Variants in TNIK observed in about 807,000 individuals in gnomAD.
TNIK encodes TRAF2 and NCK-interacting protein kinase.
A neutral mutation model predicts 191.3 loss-of-function variants in TNIK; 49 were observed. The ratio of observed to expected loss-of-function variants is 0.26; its 90% CI spans 0.20 to 0.32. The LOEUF (loss-of-function observed/expected upper bound fraction) is 0.32. TNIK is among the 10% of genes least tolerant of loss of function. The probability of loss-of-function intolerance (pLI) is 1.00; values close to 1 mark genes in which losing one functional copy is unlikely to be tolerated. For missense variants in TNIK, 1,155 were observed against 1,702.3 expected, an observed-to-expected ratio of 0.68 and a Z score of 5.66; for synonymous variants, 594 against 600.9, an observed-to-expected ratio of 0.99 and a Z score of 0.17.
At chr3:171,294,367 T>C (rs1752023749) in intron 2 of TNIK, among the ~76,000 whole-genome samples, 1 of 152,078 alleles carries the variant, frequency 6.6e-6, no homozygotes, top group African/African-American at 2.4e-5. Flanking sequence ...AAGGCTGCAG[T>C]GAGCTATGAT....
At chr3:171,442,669 A>G (rs1414105950) in intron 1 of TNIK, among the ~76,000 whole-genome samples, 1 of 152,206 alleles carries the variant, frequency 6.6e-6, no homozygotes, top group East Asian at 1.9e-4. Flanking sequence ...TATAATAATT[A>G]TCCACTGGCA....
intron 2 of TNIK, among the ~76,000 whole-genome samples, chr3:171,245,844 C>T (rs1049073187): frequency 2.6e-5 from 4 of 152,022 alleles, no homozygotes; most frequent in African/African-American, 7.3e-5. Context: ...TATACATTTT[C>T]GGTATTATGA....
intron 2 of TNIK, among the ~76,000 whole-genome samples, chr3:171,318,142 G>A (rs1050412879): frequency 1.3e-5 from 2 of 152,076 alleles, no homozygotes; most frequent in Non-Finnish European, 2.9e-5. Flanking sequence ...TAGAAAGAAG[G>A]AGAGTCATAC....
intron 2 of TNIK, among the ~76,000 whole-genome samples, chr3:171,309,236 C>A (rs1202975090): frequency 6.6e-6 from 1 of 152,032 alleles, no homozygotes; most frequent in African/African-American, 2.4e-5. Flanking sequence ...AAGAATGAGA[C>A]CATGTCTTTT....
chr3:171,198,262 C>A (rs1158123753), intron 4 of TNIK, among the ~76,000 whole-genome samples: 83 of 142,750 alleles, frequency 5.8e-4, no homozygotes, highest in East Asian at 6.0e-4. Context: ...GACTCCGTCT[C>A]AAAAAAAAAA....
intron 1 of TNIK, among the ~76,000 whole-genome samples, chr3:171,422,360 C>T (rs1026392631): frequency 1.3e-5 from 2 of 152,074 alleles, no homozygotes; most frequent in African/African-American, 4.8e-5. Context: ...CATGTTTATA[C>T]ATATGAATTC....
chr3:171,301,979 G>A (rs1360122345), intron 2 of TNIK, among the ~76,000 whole-genome samples: 1 of 152,182 alleles, frequency 6.6e-6, no homozygotes, highest in Non-Finnish European at 1.5e-5. Flanking sequence ...ATACGTATGG[G>A]AGGAGACACA....
intron 2 of TNIK, among the ~76,000 whole-genome samples, chr3:171,345,595 C>T (rs950984620): frequency 1.3e-5 from 2 of 151,968 alleles, no homozygotes; most frequent in Admixed American, 6.6e-5. Context: ...GGTGGGAACT[C>T]GACCTTCACC....
intron 9 of TNIK, among the ~76,000 whole-genome samples, chr3:171,168,740 C>T (rs1734923341): frequency 1.3e-5 from 2 of 152,216 alleles, no homozygotes; most frequent in South Asian, 4.1e-4. Context: ...CTCTGTGCAC[C>T]TCCTTGTTAA....
chr3:171,212,598 C>G (rs1000927370), intron 3 of TNIK, among the ~76,000 whole-genome samples: 1 of 152,176 alleles, frequency 6.6e-6, no homozygotes, highest in African/African-American at 2.4e-5. Flanking sequence ...TTTGTAGCAC[C>G]TATCAGAATT....
At chr3:171,104,085 TC>T (rs772603946) in intron 21 of TNIK, among the ~76,000 whole-genome samples, 7 of 1,026 alleles carry the variant, frequency 6.8e-3, no homozygotes, top group Non-Finnish European at 0.014. Context: ...AAGGAAATTT[TC>T]AATTAACAGT....
intron 29 of TNIK, among the ~76,000 whole-genome samples, chr3:171,070,684 T>C (rs1450849800): frequency 2.0e-5 from 3 of 151,920 alleles, no homozygotes; most frequent in African/African-American, 7.3e-5. Flanking sequence ...GGGTACAGAC[T>C]TAGACAAGGT....
chr3:171,452,729 A>AACACACACACAC lies in TNIK; in HGVS notation c.57+7266_57+7277dup, dbSNP rs10602125. Among the ~76,000 whole-genome samples the AACACACACACAC allele has an allele frequency of 7.6e-4, 109 of 142,640 alleles. 1 individual carries two copies. The highest frequency in any genetic ancestry group is 2.7e-3 in the African/African-American group (106 of 39,122). 93.6% of individuals were successfully genotyped at this position (142,640 alleles called of 152,430 possible). On this transcript the variant is annotated intron_variant, in intron 1 of 32. Coordinates refer to ENST00000436636, the MANE Select transcript of TNIK (RefSeq NM_015028.4). The stretch of plus-strand genomic sequence containing the variant: ...GTTGAAATAATTGAAACACACTCCA[A>AACACACACACAC]ACACACACACACACACACACACACA...
intron 1 of TNIK, among the ~76,000 whole-genome samples, chr3:171,389,545 G>A (rs1719188313): frequency 6.6e-6 from 1 of 152,124 alleles, no homozygotes; most frequent in Admixed American, 6.6e-5. Context: ...GAGCACCTGG[G>A]AGGACATAAT....
Position 171,063,869 on chromosome 3 carries a change from A to G in TNIK, c.*12T>C. On this transcript the variant is annotated 3_prime_UTR_variant, in exon 33 of 33. Transcript: ENST00000436636. ...AATAACGCCATGAAGATAAGTGCCAAGTGCTCTTCTGTTACCAGTTCATCA... is the reference window on the plus strand; with the variant it reads ...AATAACGCCATGAAGATAAGTGCCAGGTGCTCTTCTGTTACCAGTTCATCA... 2 of 1,612,886 alleles carry G rather than the reference A, an allele frequency of 1.2e-6. No homozygotes were observed. The highest frequency in any genetic ancestry group is 1.7e-6 in the Non-Finnish European group (2 of 1,179,320).
intron 4 of TNIK, among the ~76,000 whole-genome samples, chr3:171,206,388 A>G (rs1426977955): frequency 1.3e-5 from 2 of 148,676 alleles, no homozygotes; most frequent in Admixed American, 7.0e-5. Context: ...GAGTAAATAA[A>G]TGAACACATA....
intron 2 of TNIK, among the ~76,000 whole-genome samples, chr3:171,265,603 A>T (rs1030936942): frequency 6.6e-6 from 1 of 152,272 alleles, no homozygotes; most frequent in Non-Finnish European, 1.5e-5. Context: ...CAATTCAAGC[A>T]GATGCTACCA....
chr3:171,092,256 T>C (rs749111226), intron 23 of TNIK, among the ~76,000 whole-genome samples: 28 of 152,124 alleles, frequency 1.8e-4, no homozygotes, highest in Admixed American at 9.2e-4. Flanking sequence ...CTGCAAATGC[T>C]GTTTTCAAAG....
At chr3:171,215,160 C>A (rs1204529610) in intron 3 of TNIK, among the ~76,000 whole-genome samples, 1 of 152,062 alleles carries the variant, frequency 6.6e-6, no homozygotes, top group Non-Finnish European at 1.5e-5. Flanking sequence ...CCCTTCAACC[C>A]CCATGTGAGA....
Sources: gnomAD v4.1 joint callset for allele counts (sites outside exome capture counted in the v4.1 genomes callset) on GRCh38, gnomAD v4.1.1 for gene constraint, MANE v1.5 for transcripts, NCBI Gene and HGNC (gene_info 2026-07-23, HGNC 2026-07-21) for gene names.